LRRC37A2: variants seen among roughly 807,000 people sequenced by gnomAD.
The protein encoded by LRRC37A2 is leucine rich repeat containing 37 member A2.
A neutral mutation model predicts 68.8 loss-of-function variants in LRRC37A2; 9 were observed. The ratio of observed to expected loss-of-function variants is 0.13; its 90% CI spans 0.08 to 0.23. The LOEUF is 0.23. Ranked by LOEUF, LRRC37A2 falls within the 10% of genes least tolerant of loss-of-function variation. The pLI is 1.00. For synonymous variants in LRRC37A2, 63 were observed against 367.6 expected, an observed-to-expected ratio of 0.17 and a Z score of 9.48; for missense variants, 168 against 950.4, an observed-to-expected ratio of 0.18 and a Z score of 10.82.
the LRRC37A2 span, among the ~76,000 whole-genome samples, chr17:46,973,994 C>T: frequency 5.3e-5 from 8 of 152,218 alleles, no homozygotes; most frequent in African/African-American, 1.7e-4. Context: ...CCAGCAGCCA[C>T]AGCCGTGCAC....
chr17:47,024,277 G>T, the LRRC37A2 span, among the ~76,000 whole-genome samples: 2 of 152,212 alleles, frequency 1.3e-5, no homozygotes, highest in Admixed American at 1.3e-4. Context: ...AGGGGAAAAG[G>T]TTGAATGGCT....
At chr17:46,807,446 C>T in the LRRC37A2 span, among the ~76,000 whole-genome samples, 6 of 152,320 alleles carry the variant, frequency 3.9e-5, no homozygotes, top group South Asian at 1.2e-3. Context: ...CATGCTACTG[C>T]ACTCCAGCCT....
chr17:46,904,636 A>G, the LRRC37A2 span, among the ~76,000 whole-genome samples: 1 of 152,042 alleles, frequency 6.6e-6, no homozygotes, highest in African/African-American at 2.4e-5. Context: ...GAATGTGTGG[A>G]TGGAGCTCAC....
At chr17:47,006,536 C>T in the LRRC37A2 span, among the ~76,000 whole-genome samples, 33 of 152,104 alleles carry the variant, frequency 2.2e-4, no homozygotes, top group African/African-American at 5.8e-4. Context: ...TGTTTGAATC[C>T]GGGAGGCAGA....
the LRRC37A2 span, among the ~76,000 whole-genome samples, chr17:46,746,188 T>A: frequency 6.6e-6 from 1 of 152,252 alleles, no homozygotes; most frequent in Non-Finnish European, 1.5e-5. Flanking sequence ...AAGCATTTGA[T>A]TTTTTCCTAG....
the LRRC37A2 span, among the ~76,000 whole-genome samples, chr17:46,791,672 C>A: frequency 6.6e-6 from 1 of 152,234 alleles, no homozygotes; most frequent in East Asian, 1.9e-4. Flanking sequence ...TAATTTCTGT[C>A]TGCATTCTAC....
At position 46,551,298 on chromosome 17, in the gene LRRC37A2, ATTAC is replaced by A. The variant is rs1351029282; in HGVS notation, c.4809+782_4809+785del. 1.2e-4 allele frequency among the ~76,000 whole-genome samples: 18 copies of A among 150,194 alleles called. 1 individual carries two copies. In the Middle Eastern group the frequency reaches 0.017, roughly 144 times the overall value. On this transcript the variant is annotated intron_variant, in intron 11 of 14. Coordinates refer to ENST00000576629, the Ensembl canonical transcript of LRRC37A2. ...TGTCTTTTGTTCGATTACATGATGT[ATTAC>A]TTTTCCCAACAGGCCAGTGCTAGCA...
the LRRC37A2 span, chr17:46,966,459 C>T: frequency 6.5e-6 from 4 of 618,644 alleles, no homozygotes; most frequent in Non-Finnish European, 1.2e-5. Context: ...GCAATCCTCC[C>T]ATCTCAGCCT....
At chr17:46,758,326 G>A in the LRRC37A2 span, among the ~76,000 whole-genome samples, 1 of 152,220 alleles carries the variant, frequency 6.6e-6, no homozygotes, top group Admixed American at 6.5e-5. Flanking sequence ...GGGAGTTCCT[G>A]GGAGGAGGAC....
At chr17:46,902,351 A>G in the LRRC37A2 span, among the ~76,000 whole-genome samples, 1 of 152,328 alleles carries the variant, frequency 6.6e-6, no homozygotes, top group African/African-American at 2.4e-5. Context: ...CTTGTCAGAA[A>G]TAGATGAGGA....
chr17:46,965,960 G>A, the LRRC37A2 span, among the ~76,000 whole-genome samples: 2 of 152,056 alleles, frequency 1.3e-5, no homozygotes, highest in African/African-American at 4.8e-5. Flanking sequence ...ATGTCCTGCT[G>A]TTTATAATGA....
At chr17:46,908,542 G>A in the LRRC37A2 span, among the ~76,000 whole-genome samples, 1 of 152,100 alleles carries the variant, frequency 6.6e-6, no homozygotes, top group Non-Finnish European at 1.5e-5. Flanking sequence ...GTTGAGTGGG[G>A]ATTTTGCCCG....
the LRRC37A2 span, among the ~76,000 whole-genome samples, chr17:46,922,608 G>A: frequency 1.8e-4 from 28 of 152,236 alleles, no homozygotes; most frequent in Non-Finnish European, 3.5e-4. Context: ...GGAGGAACCC[G>A]GTTTTCCCTA....
the LRRC37A2 span, among the ~76,000 whole-genome samples, chr17:46,772,194 C>T: frequency 1.3e-5 from 2 of 152,312 alleles, no homozygotes; most frequent in African/African-American, 4.8e-5. Context: ...CTCGCGGCGT[C>T]TTCCGGGATG....
the LRRC37A2 span, among the ~76,000 whole-genome samples, chr17:46,724,388 A>C: frequency 5.3e-5 from 8 of 152,338 alleles, no homozygotes; most frequent in East Asian, 1.2e-3. Context: ...ATTTTCTCAG[A>C]GACTCAAGCT....
the LRRC37A2 span, among the ~76,000 whole-genome samples, chr17:46,793,012 C>A: frequency 4.0e-5 from 6 of 151,684 alleles, no homozygotes; most frequent in Non-Finnish European, 5.9e-5. Context: ...CACCTGTAAA[C>A]CCGGCACTTT....
the LRRC37A2 span, among the ~76,000 whole-genome samples, chr17:46,849,548 T>C: frequency 2.6e-5 from 4 of 152,176 alleles, no homozygotes; most frequent in African/African-American, 9.7e-5. Context: ...CCTCATCCTC[T>C]AGCTTCTGTG....
chr17:47,021,936 T>A, the LRRC37A2 span: 2 of 1,511,000 alleles, frequency 1.3e-6, no homozygotes, highest in Non-Finnish European at 1.8e-6. Flanking sequence ...GTATATTCTC[T>A]CCAAATATGA....
the LRRC37A2 span, among the ~76,000 whole-genome samples, chr17:46,814,723 C>A: frequency 6.6e-6 from 1 of 152,364 alleles, no homozygotes; most frequent in African/African-American, 2.4e-5. Flanking sequence ...TCCTCCCCCG[C>A]AGTCTCCAGG....
Sources: allele counts gnomAD v4.1 joint callset (sites outside exome capture counted in the v4.1 genomes callset), GRCh38; gene constraint gnomAD v4.1.1; transcripts MANE v1.5; gene names NCBI Gene and HGNC (gene_info 2026-07-23, HGNC 2026-07-21).